WARS2: variants seen among roughly 807,000 people sequenced by gnomAD.
WARS2 encodes the protein tryptophan--tRNA ligase, mitochondrial.
Under a neutral mutation model 36.5 loss-of-function variants are expected in WARS2, and 28 were observed. The observed-to-expected ratio is 0.77, with a 90% CI of 0.57 to 1.05. The LOEUF is 1.05. Ranked by LOEUF, WARS2 falls within the 50% of genes least tolerant of loss-of-function variation. The pLI, the probability that WARS2 is intolerant of heterozygous loss-of-function variation, is 0.00. For synonymous variants in WARS2, 174 were observed against 178.4 expected (o/e 0.98, Z 0.20); for missense variants, 435 against 456.8 (o/e 0.95, Z 0.44).
At chr1:119,088,218 C>T (rs1374688901) in intron 1 of WARS2, among the ~76,000 whole-genome samples, 2 of 152,126 alleles carry the variant, frequency 1.3e-5, no homozygotes, top group Admixed American at 6.5e-5. Flanking sequence ...TCAATCTTGG[C>T]TGCACTGCAA....
intron 1 of WARS2, among the ~76,000 whole-genome samples, chr1:119,116,229 A>G (rs1358732367): frequency 6.6e-6 from 1 of 152,216 alleles, no homozygotes; most frequent in Non-Finnish European, 1.5e-5. Context: ...GAGTAAGTAT[A>G]GTTAGTAAGT....
At chr1:119,094,184 C>T (rs1200281043) in intron 1 of WARS2, among the ~76,000 whole-genome samples, 1 of 152,122 alleles carries the variant, frequency 6.6e-6, no homozygotes, top group Non-Finnish European at 1.5e-5. Flanking sequence ...TTTATTTCTT[C>T]CATTTAAACA....
chr1:119,105,315 G>T (rs1654157086), intron 1 of WARS2, among the ~76,000 whole-genome samples: 1 of 152,214 alleles, frequency 6.6e-6, no homozygotes, highest in African/African-American at 2.4e-5. Flanking sequence ...ACAAGTTTAA[G>T]ATGCTTACTA....
At chr1:119,053,192 T>A (rs1649508089) in intron 2 of WARS2, among the ~76,000 whole-genome samples, 2 of 151,984 alleles carry the variant, frequency 1.3e-5, no homozygotes, top group Admixed American at 1.3e-4. Context: ...TTGCATTTCA[T>A]AAGAGTAATC....
chr1:119,035,979 C>T (rs369030283), intron 4 of WARS2, among the ~76,000 whole-genome samples: 17 of 152,176 alleles, frequency 1.1e-4, no homozygotes, highest in East Asian at 7.7e-4. Context: ...CCAAGGTGGG[C>T]GGGTCACCTG....
At chr1:119,115,956 T>C (rs587755334) in intron 1 of WARS2, among the ~76,000 whole-genome samples, 7 of 152,304 alleles carry the variant, frequency 4.6e-5, no homozygotes, top group East Asian at 1.9e-4. Flanking sequence ...CATTGTCTTA[T>C]AGAAAGACTC....
At chr1:119,091,353 G>C (rs1387923544) in intron 1 of WARS2, among the ~76,000 whole-genome samples, 1 of 152,150 alleles carries the variant, frequency 6.6e-6, no homozygotes, top group Non-Finnish European at 1.5e-5. Context: ...GTTTCACAAG[G>C]ATGAAGGAAC....
At chr1:119,111,590 A>C (rs1654640269) in intron 1 of WARS2, among the ~76,000 whole-genome samples, 1 of 152,088 alleles carries the variant, frequency 6.6e-6, no homozygotes, top group Non-Finnish European at 1.5e-5. Flanking sequence ...GCACTAGAGG[A>C]TTTTTCTCTA....
At chr1:119,070,687 G>T (rs1260741817) in intron 2 of WARS2, among the ~76,000 whole-genome samples, 2 of 151,976 alleles carry the variant, frequency 1.3e-5, no homozygotes, top group African/African-American at 4.8e-5. Context: ...GGGCTGCAGT[G>T]AGCTATCACT....
intron 2 of WARS2, among the ~76,000 whole-genome samples, chr1:119,055,965 T>C (rs903649663): frequency 2.0e-5 from 3 of 151,798 alleles, no homozygotes; most frequent in Non-Finnish European, 4.4e-5. Flanking sequence ...CTTGGTTGCA[T>C]TGTGAATACA....
intron 1 of WARS2, among the ~76,000 whole-genome samples, chr1:119,099,509 C>A (rs587775721): frequency 2.0e-5 from 3 of 152,086 alleles, no homozygotes; most frequent in African/African-American, 7.2e-5. Context: ...CCTACCACTG[C>A]GAAGATTCCT....
chr1:119,126,442 AT>A, intron 1 of WARS2: 1 of 377,680 alleles, frequency 2.6e-6, no homozygotes, highest in Non-Finnish European at 4.9e-6. Flanking sequence ...AATTGATTGA[AT>A]TCTCACACTC....
chr1:119,055,396 T>C (rs1649690344), intron 2 of WARS2, among the ~76,000 whole-genome samples: 1 of 152,154 alleles, frequency 6.6e-6, no homozygotes, highest in Non-Finnish European at 1.5e-5. Flanking sequence ...GTGGATTATC[T>C]GAGGTCAGGA....
chr1:119,104,104 C>G (rs951397710), intron 1 of WARS2, among the ~76,000 whole-genome samples: 6 of 151,366 alleles, frequency 4.0e-5, no homozygotes, highest in African/African-American at 1.5e-4. Context: ...TAGGCATGAG[C>G]CACTGAGCCA....
chr1:119,077,064 G>A (rs1651796772), intron 1 of WARS2, among the ~76,000 whole-genome samples: 2 of 147,282 alleles, frequency 1.4e-5, no homozygotes, highest in Admixed American at 7.1e-5. Context: ...CTTGAACCTG[G>A]GAGGTGGAGG....
At position 119,059,222 on chromosome 1, in the gene WARS2, T is replaced by G. The variant is rs1346040686; in HGVS notation, c.349-13560A>C. Among the ~76,000 whole-genome samples the G allele has an allele frequency of 2.0e-5, 3 of 152,186 alleles. No individual in the cohort carries two copies. The East Asian group carries it at 5.8e-4, about 29-fold the overall frequency. On this transcript the variant is annotated intron_variant, in intron 2 of 5. Coordinates refer to ENST00000235521, the MANE Select transcript of WARS2 (RefSeq NM_015836.4). ...AGATATTAGCCCTTTGTCAGATGAG[T>G]AGGTTGTGAAAATTTTCTCCCATTT...
At chr1:119,098,101 T>C (rs1245572840) in intron 1 of WARS2, among the ~76,000 whole-genome samples, 1 of 151,726 alleles carries the variant, frequency 6.6e-6, no homozygotes, top group Non-Finnish European at 1.5e-5. Flanking sequence ...ATACAAAAAT[T>C]AGCCGAGCAT....
chr1:119,128,668 G>C (rs1193305767), intron 1 of WARS2, among the ~76,000 whole-genome samples: 1 of 145,670 alleles, frequency 6.9e-6, no homozygotes, highest in Non-Finnish European at 1.5e-5. Flanking sequence ...ATGGTATTCA[G>C]CTGACAGTAA....
chr1:119,084,632 G>A (rs1350695241), intron 1 of WARS2, among the ~76,000 whole-genome samples: 2 of 152,106 alleles, frequency 1.3e-5, no homozygotes, highest in African/African-American at 4.8e-5. Flanking sequence ...TGTCCAAACC[G>A]AGTAACTGGA....
Sources: gnomAD v4.1 joint callset for allele counts (sites outside exome capture counted in the v4.1 genomes callset) on GRCh38, gnomAD v4.1.1 for gene constraint, MANE v1.5 for transcripts, NCBI Gene and HGNC (gene_info 2026-07-23, HGNC 2026-07-21) for gene names.